Variants in ACVR1 observed in about 807,000 individuals in gnomAD.
ACVR1 encodes activin A receptor type 1, also known as activin receptor type-1.
ACVR1 carries 38 observed loss-of-function variants against 57.1 expected under a neutral mutation model. That is an observed-to-expected ratio of 0.67 (90% CI 0.51 to 0.87). The LOEUF (loss-of-function observed/expected upper bound fraction) is 0.87, where lower values mean the gene tolerates loss of function less well. Among genes scored for constraint, ACVR1 ranks in the 40% least tolerant of loss-of-function variants. ACVR1 has a pLI of 0.00. For synonymous variants in ACVR1, 212 were observed against 228.1 expected (o/e 0.93, Z 0.63); for missense variants, 463 against 638.2 (o/e 0.73, Z 2.96).
chr2:157,787,536 G>A (rs1206510802), intron 3 of ACVR1, among the ~76,000 whole-genome samples: 1 of 152,146 alleles, frequency 6.6e-6, no homozygotes, highest in Admixed American at 6.5e-5. Context: ...GGAGGAACAG[G>A]GAAGAAAGTC....
At chr2:157,762,385 A>G in intron 8 of ACVR1, among the ~76,000 whole-genome samples, 1 of 152,244 alleles carries the variant, frequency 6.6e-6, no homozygotes, top group Non-Finnish European at 1.5e-5. Flanking sequence ...ATAGGAAAAA[A>G]CATAGTATAT....
intron 1 of ACVR1, among the ~76,000 whole-genome samples, chr2:157,821,667 G>C (rs923475119): frequency 6.6e-6 from 1 of 152,216 alleles, no homozygotes; most frequent in Admixed American, 6.5e-5. Flanking sequence ...ATTTGGCGAT[G>C]GAGTTTCAAT....
chr2:157,814,146 C>A (rs1687851928), intron 2 of ACVR1, among the ~76,000 whole-genome samples: 1 of 152,114 alleles, frequency 6.6e-6, no homozygotes, highest in South Asian at 2.1e-4. Context: ...GTGATTTTAA[C>A]TATATAAAAT....
chr2:157,752,627 T>C (rs1685249123), intron 9 of ACVR1, among the ~76,000 whole-genome samples: 1 of 152,190 alleles, frequency 6.6e-6, no homozygotes, highest in South Asian at 2.1e-4. Context: ...TAGAAGGGAT[T>C]GGGGCCCTAT....
chr2:157,841,483 G>GC (rs1188376035), intron 1 of ACVR1, among the ~76,000 whole-genome samples: 5 of 152,190 alleles, frequency 3.3e-5, no homozygotes, highest in African/African-American at 1.2e-4. Flanking sequence ...CATTTACCTA[G>GC]CTGCTTCTCA....
chr2:157,817,035 T>A (rs142801713), intron 2 of ACVR1, among the ~76,000 whole-genome samples: 57 of 152,274 alleles, frequency 3.7e-4, no homozygotes, highest in Non-Finnish European at 3.8e-4. Context: ...TCACGGCTCA[T>A]TGAAGCCTCA....
At position 157,805,978 on chromosome 2, in the gene ACVR1, C is replaced by T. The variant is rs528361224; in HGVS notation, c.-7-6478G>A. 3.6e-4 allele frequency among the ~76,000 whole-genome samples: 54 copies of T among 151,950 alleles called. 1 individual carries two copies. Among genetic ancestry groups the T allele is most frequent in the African/African-American group, 1.2e-3 (51 of 41,434 alleles). On this transcript the variant is annotated intron_variant, in intron 2 of 10. Coordinates refer to ENST00000434821, the MANE Select transcript of ACVR1 (RefSeq NM_001111067.4). ...AGTGGGGACTACAGGCACATGCCAC[C>T]ATGTCTGACTAATTATTTTTGTATT...
intron 1 of ACVR1, chr2:157,826,542 A>G (rs540662153): frequency 3.3e-5 from 5 of 151,342 alleles, no homozygotes; most frequent in African/African-American, 1.2e-4. Flanking sequence ...AGTCCCAGCT[A>G]TTCATGAGGG....
intron 9 of ACVR1, among the ~76,000 whole-genome samples, chr2:157,751,889 G>C (rs975258356): frequency 3.9e-5 from 6 of 152,116 alleles, no homozygotes; most frequent in Non-Finnish European, 7.4e-5. Context: ...TGAAGATAAA[G>C]GTCATATTCT....
rs931461258 is a variant in ACVR1 at position 157,749,837 on chromosome 2, G to T, written c.1264+11043C>A. ...CTAAGCACAATTTCGAAGGGTCTAG[G>T]GATCAACTTGCTCCACCCACCACAG... On this transcript the variant is annotated intron_variant, in intron 9 of 10. Transcript: ENST00000434821. 7.2e-5 allele frequency among the ~76,000 whole-genome samples: 11 copies of T among 152,148 alleles called. 1 individual carries two copies. The highest frequency in any genetic ancestry group is 7.2e-4 in the Admixed American group (11 of 15,288).
intron 9 of ACVR1, among the ~76,000 whole-genome samples, chr2:157,758,725 T>G (rs1685524254): frequency 1.3e-5 from 2 of 152,028 alleles, no homozygotes; most frequent in South Asian, 4.1e-4. Context: ...ACAGAACATT[T>G]TATCCAACAG....
At chr2:157,843,469 CATA>C (rs35889814) in intron 1 of ACVR1, among the ~76,000 whole-genome samples, 11,270 of 152,194 alleles carry the variant, frequency 0.074, 459 homozygotes, top group African/African-American at 0.098. Flanking sequence ...TCCCAACACA[CATA>C]ATGACATAAT....
At chr2:157,807,517 C>A (rs1687593311) in intron 2 of ACVR1, among the ~76,000 whole-genome samples, 1 of 151,954 alleles carries the variant, frequency 6.6e-6, no homozygotes, top group Admixed American at 6.6e-5. Flanking sequence ...TCCAACGCAG[C>A]TCACAGCTCA....
At chr2:157,804,141 G>A (rs1687431448) in intron 2 of ACVR1, among the ~76,000 whole-genome samples, 1 of 152,164 alleles carries the variant, frequency 6.6e-6, no homozygotes. Flanking sequence ...CCCTGAGAAA[G>A]TCTCAGGCGC....
At chr2:157,811,674 A>G (rs986975197) in intron 2 of ACVR1, among the ~76,000 whole-genome samples, 7 of 152,292 alleles carry the variant, frequency 4.6e-5, no homozygotes, top group African/African-American at 1.4e-4. Flanking sequence ...TTTTCTAAAC[A>G]TAACTAAAAC....
At chr2:157,812,905 G>C (rs12327948) in intron 2 of ACVR1, among the ~76,000 whole-genome samples, 103,573 of 152,016 alleles carry the variant, frequency 0.68, 39,966 homozygotes, top group South Asian at 0.86. Context: ...AGTGTCATGG[G>C]TCAAAGGATA....
chr2:157,748,359 G>A (rs1205490612), intron 9 of ACVR1, among the ~76,000 whole-genome samples: 2 of 152,120 alleles, frequency 1.3e-5, no homozygotes, highest in Non-Finnish European at 2.9e-5. Context: ...ACATCATACA[G>A]TTTATTTGGA....
chr2:157,855,670 G>T (rs1432037039), intron 1 of ACVR1, among the ~76,000 whole-genome samples: 1 of 151,920 alleles, frequency 6.6e-6, no homozygotes, highest in African/African-American at 2.4e-5. Context: ...GGTCTTGAGG[G>T]GGAAGAGCTT....
At chr2:157,771,782 G>C (rs975726725) in intron 6 of ACVR1, among the ~76,000 whole-genome samples, 1 of 152,122 alleles carries the variant, frequency 6.6e-6, no homozygotes, top group Admixed American at 6.5e-5. Context: ...TAACCCAAAA[G>C]GATGTTCAAT....
Sources: allele counts gnomAD v4.1 joint callset (sites outside exome capture counted in the v4.1 genomes callset), GRCh38; gene constraint gnomAD v4.1.1; transcripts MANE v1.5; gene names NCBI Gene and HGNC (gene_info 2026-07-23, HGNC 2026-07-21).